ARID1B: variants seen among roughly 807,000 people sequenced by gnomAD.
The protein encoded by ARID1B is AT-rich interaction domain 1B, also known as AT-rich interactive domain-containing protein 1B.
ARID1B carries 30 observed loss-of-function variants against 212.3 expected under a neutral mutation model. That is an observed-to-expected ratio of 0.14 (90% CI 0.11 to 0.19). The LOEUF (loss-of-function observed/expected upper bound fraction) is 0.19. Among genes scored for constraint, ARID1B ranks in the 10% least tolerant of loss-of-function variants. The pLI, the probability that ARID1B is intolerant of heterozygous loss-of-function variation, is 1.00. For synonymous variants in ARID1B, 1,402 were observed against 1,301.7 expected (o/e 1.08, Z -1.66); for missense variants, 2,891 against 3,204.0 (o/e 0.90, Z 2.36).
intron 2 of ARID1B, among the ~76,000 whole-genome samples, chr6:156,850,952 T>TTG (rs1188248443): frequency 1.3e-5 from 2 of 152,204 alleles, no homozygotes; most frequent in Non-Finnish European, 2.9e-5. Context: ...TAACAAGTGG[T>TTG]TGTATGAAGG....
intron 4 of ARID1B, chr6:156,985,663 CTTT>C (rs1339044145): frequency 6.6e-6 from 1 of 152,162 alleles, no homozygotes; most frequent in Non-Finnish European, 1.5e-5. Flanking sequence ...TCTTGAATCT[CTTT>C]TTATTATTAA....
intron 2 of ARID1B, among the ~76,000 whole-genome samples, chr6:156,880,567 C>G (rs1159770327): frequency 1.3e-5 from 2 of 151,678 alleles, no homozygotes; most frequent in African/African-American, 2.4e-5. Flanking sequence ...GGCGAAACCC[C>G]GTCTCTACTA....
At chr6:157,128,947 C>A (rs944509773) in intron 6 of ARID1B, among the ~76,000 whole-genome samples, 1 of 152,174 alleles carries the variant, frequency 6.6e-6, no homozygotes, top group East Asian at 1.9e-4. Context: ...CCCTTTTTAA[C>A]CCTTTATAAT....
chr6:156,859,608 A>G (rs182060274), intron 2 of ARID1B, among the ~76,000 whole-genome samples: 1 of 152,328 alleles, frequency 6.6e-6, no homozygotes, highest in Non-Finnish European at 1.5e-5. Context: ...ATTATTTTAT[A>G]ATTTATACAC....
intron 2 of ARID1B, among the ~76,000 whole-genome samples, chr6:156,897,376 C>T (rs186588226): frequency 7.9e-5 from 12 of 151,174 alleles, no homozygotes; most frequent in Non-Finnish European, 1.5e-4. Context: ...CAGGTTCAAG[C>T]GATTTTCCTG....
At chr6:157,121,700 C>T (rs567694620) in intron 6 of ARID1B, among the ~76,000 whole-genome samples, 1 of 140,986 alleles carries the variant, frequency 7.1e-6, no homozygotes, top group East Asian at 2.1e-4. Context: ...TGGCGCGTCT[C>T]TGCTCACTGC....
intron 1 of ARID1B, among the ~76,000 whole-genome samples, chr6:156,818,666 G>C (rs1583098261): frequency 1.3e-5 from 2 of 152,260 alleles, no homozygotes; most frequent in Middle Eastern, 3.4e-3. Flanking sequence ...TGTGAACCCA[G>C]GTGTACCTGA....
intron 4 of ARID1B, among the ~76,000 whole-genome samples, chr6:156,969,396 C>A (rs1776764658): frequency 6.6e-6 from 1 of 152,150 alleles, no homozygotes; most frequent in Admixed American, 6.5e-5. Context: ...ATTTGTACTG[C>A]AGGCTCTCCC....
In ARID1B at chr6:157,196,279, G is replaced by A. The variant is rs370064281; in HGVS notation, c.4346G>A (p.Arg1449His). The change falls in exon 16 of 20, where the codon CGC (arginine) becomes CAC (histidine). Residue 1449 changes from arginine to histidine, a missense_variant. Arg to His is a conservative substitution (Grantham distance 29, BLOSUM62 0). Transcript: ENST00000636930. ...ATGTCTAACCTGGGCATGGGGCAGCGCCAGCAGTTTCCCTATGGAGCCAGT... is the reference window on the plus strand; with the variant it reads ...ATGTCTAACCTGGGCATGGGGCAGCACCAGCAGTTTCCCTATGGAGCCAGT... Reference protein sequence around the residue: ...GAMSNLGMGQRQQFPYGASYD... With the variant: ...GAMSNLGMGQHQQFPYGASYD... 50 of 1,604,972 alleles carry A rather than the reference G, an allele frequency of 3.1e-5. No homozygotes were observed. Among genetic ancestry groups the A allele is most frequent in the Non-Finnish European group, 3.8e-5 (45 of 1,178,000 alleles).
At chr6:156,947,506 G>C (rs1415435935) in intron 4 of ARID1B, among the ~76,000 whole-genome samples, 2 of 151,802 alleles carry the variant, frequency 1.3e-5, no homozygotes, top group African/African-American at 2.4e-5. Context: ...ATGCTATTTT[G>C]AAAGATATCC....
intron 1 of ARID1B, among the ~76,000 whole-genome samples, chr6:156,802,507 T>C (rs1583066812): frequency 6.6e-6 from 1 of 152,348 alleles, no homozygotes; most frequent in East Asian, 1.9e-4. Flanking sequence ...ATATCAAATG[T>C]TAATTTAAGG....
At chr6:156,945,417 G>A (rs1793043561) in intron 4 of ARID1B, among the ~76,000 whole-genome samples, 1 of 151,932 alleles carries the variant, frequency 6.6e-6, no homozygotes, top group Non-Finnish European at 1.5e-5. Context: ...TCCTCAGGCA[G>A]ATGTCCTCTC....
chr6:156,798,176 G>A lies in ARID1B; in HGVS notation c.1791+18705G>A, dbSNP rs1780527345. 2.6e-5 allele frequency among the ~76,000 whole-genome samples: 4 copies of A among 152,290 alleles called. No individual in the cohort carries two copies. In the South Asian group the frequency reaches 8.3e-4, roughly 32 times the overall value. ...TGCTGGAAGAGGGTGGAGCGCCTGC[G>A]CCTGCCGCTCTGCTTTCTCTGCTGG... On this transcript the variant is annotated intron_variant, in intron 1 of 19. Coordinates refer to ENST00000636930, the MANE Select transcript of ARID1B (RefSeq NM_001374828.1).
chr6:156,936,461 C>T (rs1031061811), intron 4 of ARID1B: 1 of 151,078 alleles, frequency 6.6e-6, no homozygotes, highest in South Asian at 2.1e-4. Flanking sequence ...TGTTGATGCT[C>T]ATAAATAGTT....
chr6:156,802,950 A>C (rs1780892482), intron 1 of ARID1B, among the ~76,000 whole-genome samples: 1 of 152,246 alleles, frequency 6.6e-6, no homozygotes, highest in African/African-American at 2.4e-5. Context: ...AAACAATTAA[A>C]GCGTGATCCT....
intron 4 of ARID1B, among the ~76,000 whole-genome samples, chr6:157,014,318 C>G (rs1040999270): frequency 6.6e-6 from 1 of 152,192 alleles, no homozygotes; most frequent in African/African-American, 2.4e-5. Flanking sequence ...ACCTTTTATG[C>G]AATCCTGGTT....
chr6:157,210,677 T>A lies in ARID1B; in HGVS notation c.*2786T>A. On this transcript the variant is annotated 3_prime_UTR_variant, in exon 20 of 20. Transcript: ENST00000636930. ...TTTTCTATGAGGCTTTTCAGAAATT[T>A]ACAGGATGCCCAGACTTTACATGTG... 4.4e-6 allele frequency: 1 copy of A among 228,788 alleles called. No individual in the cohort carries two copies. 14.2% of individuals were successfully genotyped at this position (228,788 alleles called of 1,614,324 possible). A position where few individuals can be genotyped will look rare whatever the true frequency, so the allele number is the denominator to read the frequency against.
intron 8 of ARID1B, chr6:157,152,331 A>G (rs1173071762): frequency 6.6e-6 from 1 of 152,210 alleles, no homozygotes; most frequent in Non-Finnish European, 1.5e-5. Context: ...GCACGAGGAG[A>G]TCAAATCTGT....
chr6:157,072,555 G>T (rs891620910), intron 4 of ARID1B: 2 of 151,944 alleles, frequency 1.3e-5, no homozygotes, highest in Non-Finnish European at 2.9e-5. Flanking sequence ...CAATAAAATT[G>T]TACTGTTTAT....
Sources: allele counts gnomAD v4.1 joint callset (sites outside exome capture counted in the v4.1 genomes callset), GRCh38; gene constraint gnomAD v4.1.1; transcripts MANE v1.5; gene names NCBI Gene and HGNC (gene_info 2026-07-23, HGNC 2026-07-21).